SUPT3H: variants seen among roughly 807,000 people sequenced by gnomAD.
The protein encoded by SUPT3H is SPT3 homolog, SAGA and STAGA complex component.
A neutral mutation model predicts 44.3 loss-of-function variants in SUPT3H; 44 were observed. The ratio of observed to expected loss-of-function variants is 0.99; its 90% CI spans 0.78 to 1.28. The LOEUF (loss-of-function observed/expected upper bound fraction) is 1.28, where lower values mean the gene tolerates loss of function less well. SUPT3H is among the 50% of genes most tolerant of loss of function. SUPT3H has a pLI of 0.00. For missense variants in SUPT3H, 380 were observed against 387.1 expected, an observed-to-expected ratio of 0.98 and a Z score of 0.15; for synonymous variants, 124 against 125.6, an observed-to-expected ratio of 0.99 and a Z score of 0.09.
chr6:45,298,081 A>G (rs1468679633), intron 2 of SUPT3H, among the ~76,000 whole-genome samples: 2 of 152,218 alleles, frequency 1.3e-5, no homozygotes, highest in African/African-American at 4.8e-5. Context: ...TGCAGTTCTC[A>G]CAATGAAGTT....
At chr6:45,303,574 G>A (rs557899984) in intron 2 of SUPT3H, among the ~76,000 whole-genome samples, 9 of 145,624 alleles carry the variant, frequency 6.2e-5, no homozygotes, top group Non-Finnish European at 1.2e-4. Flanking sequence ...TTTGTTTCTC[G>A]TTTCTGTTTT....
chr6:45,253,528 T>C (rs1584507661), intron 2 of SUPT3H, among the ~76,000 whole-genome samples: 1 of 152,094 alleles, frequency 6.6e-6, no homozygotes, highest in Non-Finnish European at 1.5e-5. Context: ...CAGTGGCTCA[T>C]GGCTGTAATC....
intron 3 of SUPT3H, among the ~76,000 whole-genome samples, chr6:45,062,991 C>A (rs974433742): frequency 6.6e-6 from 1 of 151,646 alleles, no homozygotes; most frequent in South Asian, 2.1e-4. Flanking sequence ...CCTCTGTAGG[C>A]TCCACCTCTG....
At chr6:45,017,133 T>C (rs1186470405) in intron 4 of SUPT3H, among the ~76,000 whole-genome samples, 2 of 152,072 alleles carry the variant, frequency 1.3e-5, no homozygotes, top group Non-Finnish European at 2.9e-5. Context: ...TTTGGCTGCA[T>C]AAATGTCTTC....
chr6:45,237,511 G>A (rs1250375290), intron 2 of SUPT3H, among the ~76,000 whole-genome samples: 2 of 152,170 alleles, frequency 1.3e-5, no homozygotes, highest in African/African-American at 4.8e-5. Context: ...TATGTTGCAT[G>A]AAATGGGGTA....
At chr6:45,112,978 T>A (rs1214185653) in intron 2 of SUPT3H, among the ~76,000 whole-genome samples, 4 of 99,540 alleles carry the variant, frequency 4.0e-5, no homozygotes, top group Admixed American at 1.9e-4. Flanking sequence ...TTTTTTTTTT[T>A]AATTAGTTCT....
At chr6:45,306,900 A>G (rs1328653778) in intron 2 of SUPT3H, among the ~76,000 whole-genome samples, 1 of 152,170 alleles carries the variant, frequency 6.6e-6, no homozygotes, top group East Asian at 1.9e-4. Flanking sequence ...GCAAAGCTGG[A>G]AAATCAGGTC....
chr6:45,071,547 A>T (rs1794384546), intron 3 of SUPT3H, among the ~76,000 whole-genome samples: 1 of 152,108 alleles, frequency 6.6e-6, no homozygotes, highest in South Asian at 2.1e-4. Context: ...GACAGGTAAG[A>T]TATTATATGT....
intron 10 of SUPT3H, among the ~76,000 whole-genome samples, chr6:44,865,702 T>C (rs989314309): frequency 2.6e-5 from 4 of 152,164 alleles, no homozygotes; most frequent in African/African-American, 9.7e-5. Flanking sequence ...TCCTACAATA[T>C]GTGGGAATTA....
intron 2 of SUPT3H, among the ~76,000 whole-genome samples, chr6:45,136,034 G>A (rs1282117806): frequency 6.6e-6 from 1 of 152,174 alleles, no homozygotes; most frequent in Non-Finnish European, 1.5e-5. Context: ...CTCACTCACA[G>A]AAGACACACC....
intron 2 of SUPT3H, among the ~76,000 whole-genome samples, chr6:45,361,243 G>A (rs1794203676): frequency 6.6e-6 from 1 of 151,866 alleles, no homozygotes; most frequent in Admixed American, 6.6e-5. Flanking sequence ...ATTTTCATTT[G>A]GAAGAATTCT....
rs1464733785 is a variant in SUPT3H, at chr6:44,905,354, G to A, written c.912+27299C>T. 2.0e-5 allele frequency among the ~76,000 whole-genome samples: 3 copies of A among 152,084 alleles called. No individual in the cohort carries two copies. In the East Asian group the frequency reaches 5.8e-4, roughly 29 times the overall value. On this transcript the variant is annotated intron_variant, in intron 10 of 10. Coordinates refer to ENST00000371459, the MANE Select transcript of SUPT3H (RefSeq NM_003599.4). ...AACAAACAGCCCCATCAAAAAGTGG[G>A]CAAAGGATACGAACAGACACTTCTC... is the stretch of plus-strand genomic sequence containing the variant.
intron 3 of SUPT3H, among the ~76,000 whole-genome samples, chr6:45,051,588 T>A (rs1225447225): frequency 6.6e-6 from 1 of 151,918 alleles, no homozygotes; most frequent in Non-Finnish European, 1.5e-5. Flanking sequence ...TAACAACTCA[T>A]TAAAACTCTA....
intron 2 of SUPT3H, among the ~76,000 whole-genome samples, chr6:45,255,197 T>C (rs1584517043): frequency 6.6e-6 from 1 of 152,098 alleles, no homozygotes; most frequent in East Asian, 1.9e-4. Flanking sequence ...AGAGAGAGTT[T>C]GGTAGTATTT....
intron 3 of SUPT3H, among the ~76,000 whole-genome samples, chr6:45,054,530 T>A (rs948957626): frequency 6.6e-6 from 1 of 152,230 alleles, no homozygotes; most frequent in South Asian, 2.1e-4. Context: ...GTAAAATTTA[T>A]ATGAAATAAA....
At chr6:45,029,165 T>C (rs1460521204) in intron 3 of SUPT3H, among the ~76,000 whole-genome samples, 2 of 151,768 alleles carry the variant, frequency 1.3e-5, no homozygotes, top group South Asian at 2.1e-4. Flanking sequence ...GTATATAAAT[T>C]GATAAAAGAT....
At chr6:44,934,975 A>G (rs1771177734) in intron 9 of SUPT3H, among the ~76,000 whole-genome samples, 1 of 152,224 alleles carries the variant, frequency 6.6e-6, no homozygotes. Context: ...ACATTAAATT[A>G]TATTAAAATA....
chr6:44,880,878 T>C (rs910646680), intron 10 of SUPT3H, among the ~76,000 whole-genome samples: 1 of 152,146 alleles, frequency 6.6e-6, no homozygotes, highest in African/African-American at 2.4e-5. Flanking sequence ...AATCAAATGC[T>C]GATTTTGTCA....
chr6:45,055,651 T>C (rs1056944358), intron 3 of SUPT3H, among the ~76,000 whole-genome samples: 6 of 152,076 alleles, frequency 3.9e-5, no homozygotes, highest in Non-Finnish European at 8.8e-5. Context: ...CCTTATCTCT[T>C]ACCTTATACA....
Sources: gnomAD v4.1 joint callset for allele counts (sites outside exome capture counted in the v4.1 genomes callset) on GRCh38, gnomAD v4.1.1 for gene constraint, MANE v1.5 for transcripts, NCBI Gene and HGNC (gene_info 2026-07-23, HGNC 2026-07-21) for gene names.